CSMD1: variants seen among roughly 807,000 people sequenced by gnomAD.
The protein encoded by CSMD1 is CUB and sushi domain-containing protein 1.
In CSMD1, 213 loss-of-function variants were observed where a neutral mutation model predicts 417.5. That is an observed-to-expected ratio of 0.51 (90% CI 0.46 to 0.57). The LOEUF is 0.57. Among genes scored for constraint, CSMD1 ranks in the 20% least tolerant of loss-of-function variants. The pLI is 0.00. For missense variants in CSMD1, 6,923 were observed against 4,529.7 expected (o/e 1.53, Z -15.17); for synonymous variants, 2,862 against 1,736.8 (o/e 1.65, Z -16.11).
At chr8:4,964,547 A>T (rs967226132) in intron 1 of CSMD1, among the ~76,000 whole-genome samples, 5 of 151,562 alleles carry the variant, frequency 3.3e-5, no homozygotes, top group African/African-American at 1.2e-4. Flanking sequence ...AGGAAAAAAA[A>T]AAAGGATGAC....
chr8:3,407,850 T>C lies in CSMD1; in HGVS notation c.2071+49A>G, dbSNP rs1489951821. The C allele has an allele frequency of 4.7e-6, 7 of 1,484,104 alleles. No homozygotes were observed. In the East Asian group the frequency reaches 9.4e-5, roughly 20 times the overall value. 91.9% of individuals were successfully genotyped at this position (1,484,104 alleles called of 1,614,324 possible). ...CATACATATAAGCAAAATGGGAACA[T>C]GTAAGTAAAATGAGAACTTGGATGT... is the stretch of plus-strand genomic sequence containing the variant. On this transcript the variant is annotated intron_variant, in intron 14 of 69. Transcript: ENST00000635120.
chr8:4,443,951 G>A (rs1262956597), intron 2 of CSMD1, among the ~76,000 whole-genome samples: 1 of 152,124 alleles, frequency 6.6e-6, no homozygotes, highest in Non-Finnish European at 1.5e-5. Context: ...ATATTCGTGT[G>A]TGATATAATT....
At chr8:3,003,469 T>G (rs2128957384) in intron 52 of CSMD1, among the ~76,000 whole-genome samples, 1 of 152,302 alleles carries the variant, frequency 6.6e-6, no homozygotes, top group Middle Eastern at 3.4e-3. Flanking sequence ...AGTCACACAC[T>G]GAGTACTTGT....
intron 5 of CSMD1, among the ~76,000 whole-genome samples, chr8:3,848,225 T>C (rs905638731): frequency 1.3e-5 from 2 of 152,202 alleles, no homozygotes; most frequent in African/African-American, 2.4e-5. Context: ...AGGACATTGA[T>C]CCTGCCCTTA....
At chr8:4,283,009 T>G (rs765357346) in intron 3 of CSMD1, among the ~76,000 whole-genome samples, 1 of 152,166 alleles carries the variant, frequency 6.6e-6, no homozygotes, top group Non-Finnish European at 1.5e-5. Flanking sequence ...CTGCCTGCAT[T>G]GTATCCCTTT....
intron 2 of CSMD1, among the ~76,000 whole-genome samples, chr8:4,464,771 G>C (rs774533723): frequency 6.6e-6 from 1 of 152,140 alleles, no homozygotes; most frequent in Non-Finnish European, 1.5e-5. Context: ...CCTGCTGAGT[G>C]GGGTGGGGCT....
rs141206859 is a variant in CSMD1 at position 3,773,470 on chromosome 8, A to G, written c.819-19428T>C. ...CCTGGCTAATTATTGTATTTTTTGT[A>G]GAGATTGGGTCTCACCGTGTTTCCC... On this transcript the variant is annotated intron_variant, in intron 5 of 69. Transcript: ENST00000635120. Among the ~76,000 whole-genome samples the G allele has an allele frequency of 4.3e-3, 656 of 152,140 alleles. 6 individuals are homozygous for G. The highest frequency in any genetic ancestry group is 0.01 in the Middle Eastern group (3 of 294).
intron 3 of CSMD1, among the ~76,000 whole-genome samples, chr8:4,210,233 C>G (rs772002976): frequency 1.3e-5 from 2 of 152,202 alleles, no homozygotes; most frequent in African/African-American, 4.8e-5. Context: ...GCATGACTTT[C>G]TCACAGGAGG....
chr8:3,354,374 G>C (rs577202201), intron 21 of CSMD1, among the ~76,000 whole-genome samples: 1 of 152,124 alleles, frequency 6.6e-6, no homozygotes, highest in African/African-American at 2.4e-5. Context: ...TGTGAAATTG[G>C]GAAAACTATT....
At chr8:4,330,851 G>C (rs1229741252) in intron 3 of CSMD1, among the ~76,000 whole-genome samples, 1 of 152,032 alleles carries the variant, frequency 6.6e-6, no homozygotes, top group African/African-American at 2.4e-5. Flanking sequence ...CACCTTCCCA[G>C]ATTCTACAGC....
At chr8:4,078,765 C>G (rs1180924784) in intron 3 of CSMD1, among the ~76,000 whole-genome samples, 2 of 150,588 alleles carry the variant, frequency 1.3e-5, no homozygotes, top group Non-Finnish European at 3.0e-5. Flanking sequence ...GCCTGGCACA[C>G]TGGCTTACAC....
chr8:4,821,876 C>A (rs1799543756), intron 1 of CSMD1, among the ~76,000 whole-genome samples: 2 of 152,168 alleles, frequency 1.3e-5, no homozygotes, highest in South Asian at 4.1e-4. Flanking sequence ...CACGCTTCTG[C>A]TCTAGCCCAG....
intron 2 of CSMD1, among the ~76,000 whole-genome samples, chr8:4,597,207 A>G (rs2724951): frequency 0.93 from 141,879 of 152,210 alleles, 66,194 homozygotes; most frequent in East Asian, 0.97. Context: ...TGAATGAAAT[A>G]ATAAAGTGTG....
intron 1 of CSMD1, among the ~76,000 whole-genome samples, chr8:4,912,135 A>AAG (rs1554518072): frequency 1.7e-5 from 2 of 115,612 alleles, no homozygotes; most frequent in Admixed American, 9.3e-5. Context: ...AAAAAAAAAA[A>AAG]AAAAAAGAAA....
chr8:4,249,268 C>G (rs532787969), intron 3 of CSMD1, among the ~76,000 whole-genome samples: 4 of 152,268 alleles, frequency 2.6e-5, no homozygotes, highest in Non-Finnish European at 5.9e-5. Flanking sequence ...ATTATCTTGT[C>G]TTTTACTTCT....
At chr8:4,148,600 G>C (rs1479272577) in intron 3 of CSMD1, among the ~76,000 whole-genome samples, 1 of 152,110 alleles carries the variant, frequency 6.6e-6, no homozygotes, top group Non-Finnish European at 1.5e-5. Flanking sequence ...CTGGTCTGGT[G>C]AGAGCCTTGT....
intron 46 of CSMD1, among the ~76,000 whole-genome samples, chr8:3,103,647 G>T (rs1815915953): frequency 6.6e-6 from 1 of 151,888 alleles, no homozygotes; most frequent in African/African-American, 2.4e-5. Flanking sequence ...GTCATGCAGT[G>T]CGTGATTATT....
chr8:3,784,504 C>T (rs1361823567), intron 5 of CSMD1, among the ~76,000 whole-genome samples: 1 of 152,112 alleles, frequency 6.6e-6, no homozygotes, highest in African/African-American at 2.4e-5. Context: ...TATTTTTGGA[C>T]TTGCTAGAAT....
chr8:3,383,851 T>C (rs1230536259), intron 18 of CSMD1, among the ~76,000 whole-genome samples: 6 of 152,020 alleles, frequency 3.9e-5, no homozygotes, highest in Admixed American at 2.0e-4. Flanking sequence ...TAGAATGAAA[T>C]AAAAACTTTT....
Sources: allele counts gnomAD v4.1 joint callset (sites outside exome capture counted in the v4.1 genomes callset), GRCh38; gene constraint gnomAD v4.1.1; transcripts MANE v1.5; gene names NCBI Gene and HGNC (gene_info 2026-07-23, HGNC 2026-07-21).